Variants in KHDRBS2 observed in about 807,000 individuals in gnomAD.
The protein encoded by KHDRBS2 is KH RNA binding domain containing, signal transduction associated 2, also known as KH domain-containing, RNA-binding, signal transduction-associated protein 2.
In KHDRBS2, 26 loss-of-function variants were observed where a neutral mutation model predicts 44.3. That is an observed-to-expected ratio of 0.59 (90% CI 0.43 to 0.81). The LOEUF (loss-of-function observed/expected upper bound fraction) is 0.81. Among genes scored for constraint, KHDRBS2 ranks in the 40% least tolerant of loss-of-function variants. The probability of loss-of-function intolerance (pLI) is 0.00; values close to 1 mark genes in which losing one functional copy is unlikely to be tolerated. For missense variants in KHDRBS2, 476 were observed against 433.1 expected (o/e 1.10, Z -0.88); for synonymous variants, 194 against 151.1 (o/e 1.28, Z -2.08).
chr6:62,106,065 A>T (rs1247815928), intron 2 of KHDRBS2, among the ~76,000 whole-genome samples: 3 of 152,174 alleles, frequency 2.0e-5, no homozygotes, highest in Non-Finnish European at 2.9e-5. Flanking sequence ...CAGGTTGTTC[A>T]GTTTCCATGC....
chr6:61,606,562 C>A, the KHDRBS2 span, among the ~76,000 whole-genome samples: 5 of 152,052 alleles, frequency 3.3e-5, no homozygotes, highest in Non-Finnish European at 7.4e-5. Context: ...ATAATAGATC[C>A]TTTTATATCA....
intron 4 of KHDRBS2, among the ~76,000 whole-genome samples, chr6:61,918,078 C>A (rs1394047651): frequency 6.6e-6 from 1 of 151,906 alleles, no homozygotes; most frequent in Non-Finnish European, 1.5e-5. Flanking sequence ...AGGATTATTA[C>A]CCCATTTATG....
chr6:62,107,838 T>C (rs1380611600), intron 2 of KHDRBS2, among the ~76,000 whole-genome samples: 3 of 152,262 alleles, frequency 2.0e-5, no homozygotes, highest in Admixed American at 6.5e-5. Flanking sequence ...AAACGAACAA[T>C]GGGGAAAGGA....
In KHDRBS2 at chr6:62,276,612, C is replaced by T. The variant is rs529647463; in HGVS notation, c.91+9246G>A. Among the ~76,000 whole-genome samples, 5 of 152,248 alleles carry T rather than the reference C, an allele frequency of 3.3e-5. No homozygotes were observed. The South Asian group carries it at 8.3e-4, about 25-fold the overall frequency. On this transcript the variant is annotated intron_variant, in intron 1 of 8. Coordinates refer to ENST00000281156, the MANE Select transcript of KHDRBS2 (RefSeq NM_152688.4). ...TAGGCTGTCTTGATGATCCTTAATT[C>T]AATTCTATACTAAGGTAAATTCCCC...
At chr6:61,929,575 A>G (rs1809630257) in intron 4 of KHDRBS2, among the ~76,000 whole-genome samples, 1 of 152,174 alleles carries the variant, frequency 6.6e-6, no homozygotes, top group Non-Finnish European at 1.5e-5. Flanking sequence ...GAAAATCCAG[A>G]GATATTAAGA....
rs139509158 is a variant in KHDRBS2 at position 61,870,185 on chromosome 6, C to T, written c.810+24450G>A. Among the ~76,000 whole-genome samples the T allele has an allele frequency of 2.4e-4, 37 of 152,074 alleles. 2 individuals are homozygous for T. In the East Asian group the frequency reaches 3.5e-3, roughly 14 times the overall value. On this transcript the variant is annotated intron_variant, in intron 6 of 8. Transcript: ENST00000281156. ...CAGTCTGAGATGGACCTGGGATGCT[C>T]GAGCTTGGTGGCGGTGTGGAGCGGG...
At chr6:61,557,777 C>T in the KHDRBS2 span, among the ~76,000 whole-genome samples, 1,112 of 152,210 alleles carry the variant, frequency 7.3e-3, 8 homozygotes, top group Non-Finnish European at 0.011. Flanking sequence ...CCTGGGCTTT[C>T]CTTTGCAGAG....
intron 2 of KHDRBS2, among the ~76,000 whole-genome samples, chr6:62,081,766 A>G (rs2127355407): frequency 6.6e-6 from 1 of 152,108 alleles, no homozygotes; most frequent in Admixed American, 6.6e-5. Context: ...ATCATCTCAT[A>G]TTTGCAGTTA....
intron 2 of KHDRBS2, among the ~76,000 whole-genome samples, chr6:62,107,150 AT>A: frequency 6.6e-6 from 1 of 151,972 alleles, no homozygotes; most frequent in East Asian, 1.9e-4. Flanking sequence ...AGGAAGTCAA[AT>A]TGTCCCTGTT....
chr6:62,219,873 T>G (rs934473804), intron 1 of KHDRBS2, among the ~76,000 whole-genome samples: 1 of 147,388 alleles, frequency 6.8e-6, no homozygotes, highest in South Asian at 2.1e-4. Context: ...CATAGTTTTA[T>G]ATATATAACT....
chr6:61,744,411 T>C (rs190936864), intron 6 of KHDRBS2, among the ~76,000 whole-genome samples: 40 of 152,226 alleles, frequency 2.6e-4, no homozygotes, highest in African/African-American at 8.9e-4. Context: ...ATAGATGCTA[T>C]CCATTCTTTA....
intron 4 of KHDRBS2, among the ~76,000 whole-genome samples, chr6:61,933,654 T>G (rs1195406912): frequency 6.6e-6 from 1 of 152,168 alleles, no homozygotes; most frequent in Non-Finnish European, 1.5e-5. Context: ...AGCATGTCAG[T>G]GTATTGAAAA....
At chr6:61,777,886 G>A (rs560753857) in intron 6 of KHDRBS2, among the ~76,000 whole-genome samples, 1 of 152,126 alleles carries the variant, frequency 6.6e-6, no homozygotes, top group African/African-American at 2.4e-5. Flanking sequence ...AGGTACATGT[G>A]AAGGTTTGTT....
At chr6:61,589,782 A>G in the KHDRBS2 span, among the ~76,000 whole-genome samples, 1 of 152,310 alleles carries the variant, frequency 6.6e-6, no homozygotes, top group East Asian at 1.9e-4. Context: ...GGATGTTGGA[A>G]AATAATCTTT....
chr6:61,876,406 C>A (rs970745815), intron 6 of KHDRBS2, among the ~76,000 whole-genome samples: 7 of 151,926 alleles, frequency 4.6e-5, no homozygotes, highest in African/African-American at 1.7e-4. Flanking sequence ...TTACAAATGG[C>A]AGACACCTAG....
chr6:62,237,731 C>T (rs1370467832), intron 1 of KHDRBS2, among the ~76,000 whole-genome samples: 1 of 152,042 alleles, frequency 6.6e-6, no homozygotes, highest in African/African-American at 2.4e-5. Context: ...TCCATCATTG[C>T]ACTGTCTCAT....
At chr6:62,201,645 CT>C (rs1446240749) in intron 1 of KHDRBS2, among the ~76,000 whole-genome samples, 2 of 151,970 alleles carry the variant, frequency 1.3e-5, no homozygotes, top group East Asian at 3.9e-4. Context: ...TTCACTTTCG[CT>C]TTGGAAAAAA....
At chr6:62,278,706 A>C (rs1479860285) in intron 1 of KHDRBS2, among the ~76,000 whole-genome samples, 1 of 152,176 alleles carries the variant, frequency 6.6e-6, no homozygotes, top group African/African-American at 2.4e-5. Context: ...GTACCACAAG[A>C]TTCGGGAATG....
intron 2 of KHDRBS2, among the ~76,000 whole-genome samples, chr6:62,091,680 C>A (rs1386173275): frequency 6.6e-6 from 1 of 151,968 alleles, no homozygotes; most frequent in East Asian, 1.9e-4. Flanking sequence ...GAAAAAGTAT[C>A]AAAATTTACA....
Sources: gnomAD v4.1 joint callset for allele counts (sites outside exome capture counted in the v4.1 genomes callset) on GRCh38, gnomAD v4.1.1 for gene constraint, MANE v1.5 for transcripts, NCBI Gene and HGNC (gene_info 2026-07-23, HGNC 2026-07-21) for gene names.